KCNN3: variants seen among roughly 807,000 people sequenced by gnomAD.
KCNN3 encodes the protein potassium calcium-activated channel subfamily N member 3.
In KCNN3, 16 loss-of-function variants were observed where a neutral mutation model predicts 62.9. That is an observed-to-expected ratio of 0.25 (90% CI 0.17 to 0.39). KCNN3 has a LOEUF of 0.39. Ranked by LOEUF, KCNN3 falls within the 10% of genes least tolerant of loss-of-function variation. The probability of loss-of-function intolerance (pLI) is 1.00; values close to 1 mark genes in which losing one functional copy is unlikely to be tolerated. For synonymous variants in KCNN3, 370 were observed against 389.2 expected (o/e 0.95, Z 0.58); for missense variants, 599 against 949.4 (o/e 0.63, Z 4.85).
chr1:154,820,538 C>T (rs527400814), intron 2 of KCNN3, among the ~76,000 whole-genome samples: 44 of 152,274 alleles, frequency 2.9e-4, no homozygotes, highest in Middle Eastern at 6.8e-3. Flanking sequence ...GCCTGGATCC[C>T]GCGGCTGGCT....
At chr1:154,868,888 C>G in intron 1 of KCNN3, 144 bp downstream of exon 1, 1 of 931,284 alleles carries the variant, frequency 1.1e-6, no homozygotes, top group Non-Finnish European at 1.8e-6. Context: ...CAGTCTCCCT[C>G]CCAATCTCTC....
chr1:154,868,036 C>G, intron 1 of KCNN3: 28 of 985,500 alleles, frequency 2.8e-5, no homozygotes, highest in Non-Finnish European at 3.4e-5. Flanking sequence ...GGGCCAGCTC[C>G]CCGCTAAAGC....
Position 154,869,612 on chromosome 1 carries a change from G to C in KCNN3, c.353C>G (p.Ala118Gly). 1 of 1,614,088 alleles carries C rather than the reference G, an allele frequency of 6.2e-7. No individual in the cohort carries two copies. Among genetic ancestry groups the C allele is most frequent in the Non-Finnish European group, 8.5e-7 (1 of 1,179,988 alleles). Residue 118 changes from alanine (A) to glycine (G), a missense_variant, in exon 1 of 8, where the codon GCC (alanine) becomes GGC (glycine). Coordinates refer to ENST00000271915, the MANE Select transcript of KCNN3 (RefSeq NM_002249.6). The surrounding 1 kb of genome is among the most constrained non-coding windows in gnomAD (Gnocchi z 6.1). ...FRAPPSSNST[A>G]ILHPSSRQGS... ...TTGCCTGGAGGAAGGGTGGAGGATG[G>C]CGGTGGAGTTGGACGAAGGGGGGGC...
In KCNN3 at chr1:154,708,151, G is replaced by T. The variant is rs1431362926; in HGVS notation, c.2021C>A (p.Pro674Gln). Residue 674 changes from proline to glutamine, a missense_variant, in exon 8 of 8, where the codon CCG becomes CAG. Pro to Gln is a moderately conservative substitution (Grantham distance 76). Around this residue, in one of 7 missense-constraint regions of KCNN3, gnomAD observed 288 missense variants for 557.4 expected, o/e 0.52. Transcript: ENST00000271915. ...GCGCAGGGTGTCGGCGATGAGCAGC[G>T]GCAGGGAGTTGAAGCTGGCGGTGAG... ...EHLTASFNSL[P>Q]LLIADTLRQQ... The T allele has an allele frequency of 6.2e-7, 1 of 1,613,716 alleles. No homozygotes were observed. The highest frequency in any genetic ancestry group is 2.2e-5 in the East Asian group (1 of 44,882).
intron 2 of KCNN3, among the ~76,000 whole-genome samples, chr1:154,797,247 G>T (rs1484893177): frequency 1.3e-5 from 2 of 152,148 alleles, no homozygotes; most frequent in African/African-American, 4.8e-5. Flanking sequence ...GTAGTAGGTT[G>T]TCCTAATTTC....
intron 4 of KCNN3, 118 bp downstream of exon 4, chr1:154,732,885 G>A (rs1329151988): frequency 1.2e-5 from 12 of 1,033,266 alleles, no homozygotes; most frequent in Middle Eastern, 2.9e-4. Context: ...CATGCAGGTC[G>A]GTTAACTAAC....
At chr1:154,726,401 G>T (rs1303421263) in intron 4 of KCNN3, among the ~76,000 whole-genome samples, 3 of 152,212 alleles carry the variant, frequency 2.0e-5, no homozygotes, top group Non-Finnish European at 4.4e-5. Context: ...GCACACACGG[G>T]CCCTCTCTCC....
At chr1:154,789,707 C>T (rs551600011) in intron 2 of KCNN3, among the ~76,000 whole-genome samples, 2 of 152,178 alleles carry the variant, frequency 1.3e-5, no homozygotes, top group Admixed American at 6.5e-5. Context: ...TGGGGGATTC[C>T]GAAGGAGGTG....
chr1:154,715,691 G>T (rs1194836837), intron 5 of KCNN3, among the ~76,000 whole-genome samples: 2 of 151,768 alleles, frequency 1.3e-5, no homozygotes, highest in African/African-American at 4.8e-5. Context: ...TAGACAGGCT[G>T]CATGAGCGAG....
At chr1:154,827,151 T>C (rs1651171054) in intron 1 of KCNN3, among the ~76,000 whole-genome samples, 1 of 152,234 alleles carries the variant, frequency 6.6e-6, no homozygotes, top group African/African-American at 2.4e-5. Flanking sequence ...TTAGAAATCT[T>C]TTCTATCTAA....
At chr1:154,792,158 C>A (rs1422963461) in intron 2 of KCNN3, among the ~76,000 whole-genome samples, 2 of 152,194 alleles carry the variant, frequency 1.3e-5, no homozygotes, top group African/African-American at 4.8e-5. Context: ...TGAAAGGGAA[C>A]AGAGTGCCAC....
chr1:154,713,029 T>C (rs1700111231), intron 7 of KCNN3, among the ~76,000 whole-genome samples: 1 of 152,158 alleles, frequency 6.6e-6, no homozygotes, highest in Non-Finnish European at 1.5e-5. Context: ...GACTGGAGGA[T>C]GTACAAAAAT....
At position 154,869,902 on chromosome 1, in the gene KCNN3, G is replaced by A; in HGVS notation, c.63C>T (p.Cys21=). 1.2e-6 allele frequency: 2 copies of A among 1,609,126 alleles called. No individual in the cohort carries two copies. The highest frequency in any genetic ancestry group is 1.7e-6 in the Non-Finnish European group (2 of 1,177,976). ...GCTCATCCCCAGAGGATGGACAGGG[G>A]CACTTGGGGTCTTCATCCAAGTCCC... The part of the protein sequence containing the change: ...GVGDLDEDPK[C]PCPSSGDEQQ... Residue 21 remains cysteine, a synonymous_variant, in exon 1 of 8, where the codon TGC becomes TGT. Transcript: ENST00000271915. This position sits in a 1 kb window ranked among gnomAD's most constrained non-coding sequence, Gnocchi z 6.1.
chr1:154,814,220 T>A (rs766617495), intron 2 of KCNN3, among the ~76,000 whole-genome samples: 47 of 152,350 alleles, frequency 3.1e-4, no homozygotes, highest in South Asian at 1.2e-3. Context: ...TACTTTCTCC[T>A]TAGAATGAGG....
chr1:154,813,444 G>A (rs74541936), intron 2 of KCNN3, among the ~76,000 whole-genome samples: 10,793 of 152,076 alleles, frequency 0.071, 415 homozygotes, highest in Non-Finnish European at 0.087. Flanking sequence ...TCTTAAGCCC[G>A]CAGGGGAGGA....
chr1:154,770,706 G>T (rs1263720356), intron 3 of KCNN3, among the ~76,000 whole-genome samples: 1 of 152,208 alleles, frequency 6.6e-6, no homozygotes, highest in Non-Finnish European at 1.5e-5. Flanking sequence ...CAGCTACTTA[G>T]GAGCAGAATC....
At chr1:154,783,215 AAAAAAAAAAAG>A (rs753363568) in intron 2 of KCNN3, among the ~76,000 whole-genome samples, 15 of 147,550 alleles carry the variant, frequency 1.0e-4, no homozygotes, top group South Asian at 2.1e-4. Flanking sequence ...TCCATCTCAA[AAAAAAAAAAAG>A]AAAAAAGAAA....
At chr1:154,813,713 C>G (rs1650532916) in intron 2 of KCNN3, among the ~76,000 whole-genome samples, 1 of 152,184 alleles carries the variant, frequency 6.6e-6, no homozygotes, top group African/African-American at 2.4e-5. Context: ...TTAATGGACA[C>G]AGCACCACCC....
At chr1:154,788,352 A>T (rs557492773) in intron 2 of KCNN3, among the ~76,000 whole-genome samples, 2 of 152,242 alleles carry the variant, frequency 1.3e-5, no homozygotes, top group Non-Finnish European at 2.9e-5. Flanking sequence ...AAATGTTTGA[A>T]AAATGCTTCT....
Sources: allele counts gnomAD v4.1 joint callset (sites outside exome capture counted in the v4.1 genomes callset), GRCh38; gene constraint gnomAD v4.1.1; regional missense constraint gnomAD v4.1.1; non-coding constraint Gnocchi (gnomAD v3.1); transcripts MANE v1.5; gene names NCBI Gene and HGNC (gene_info 2026-07-23, HGNC 2026-07-21).